The following MSN variants were observed in gnomAD, a reference collection of about 807,000 sequenced individuals.
MSN encodes the protein moesin.
In MSN, 2 loss-of-function variants were observed where a neutral mutation model predicts 48.0. The observed-to-expected ratio is 0.04, with a 90% CI of 0.02 to 0.13. The LOEUF (loss-of-function observed/expected upper bound fraction) is 0.13. Among genes scored for constraint, MSN ranks in the 10% least tolerant of loss-of-function variants. The pLI is 1.00. For missense variants in MSN, 267 were observed against 470.1 expected, an observed-to-expected ratio of 0.57 and a Z score of 3.99; for synonymous variants, 146 against 166.9, an observed-to-expected ratio of 0.87 and a Z score of 0.97.
At chrX:65,725,279 C>T (rs930288068) in intron 2 of MSN, among the ~76,000 whole-genome samples, 1 of 112,157 alleles carries the variant, frequency 8.9e-6, no homozygotes, top group African/African-American at 3.2e-5. Context: ...TTGGTGGGGA[C>T]AAACCACATC....
intron 1 of MSN, among the ~76,000 whole-genome samples, chrX:65,657,383 C>A (rs912461536): frequency 1.8e-5 from 2 of 110,035 alleles, no homozygotes; most frequent in African/African-American, 6.6e-5. Context: ...GCCATGAGCT[C>A]AGCAGGCTGT....
intron 1 of MSN, among the ~76,000 whole-genome samples, chrX:65,705,067 A>C (rs906986838): frequency 9.0e-6 from 1 of 110,732 alleles, no homozygotes; most frequent in Non-Finnish European, 1.9e-5. Context: ...CACCGCGCCC[A>C]GCCTCAAAAG....
chrX:65,668,203 A>T (rs2070893608), intron 1 of MSN, among the ~76,000 whole-genome samples: 1 of 112,715 alleles, frequency 8.9e-6, no homozygotes, highest in South Asian at 3.6e-4. Context: ...TCCAGAAGAC[A>T]ACACTTTCCC....
At chrX:65,690,978 T>C (rs1414194039) in intron 1 of MSN, among the ~76,000 whole-genome samples, 1 of 111,356 alleles carries the variant, frequency 9.0e-6, no homozygotes, top group Non-Finnish European at 1.9e-5. Context: ...TTGTTCCAAG[T>C]CCTTCCTAGG....
At position 65,650,688 on chromosome X, in the gene MSN, C is replaced by A. The variant is rs140714690; in HGVS notation, c.-22+62076C>A. 5.4e-3 allele frequency among the ~76,000 whole-genome samples: 610 copies of A among 112,483 alleles called. 9 individuals are homozygous for A. Among genetic ancestry groups the A allele is most frequent in the African/African-American group, 0.019 (581 of 31,007 alleles). ...TTCCTGCCCTCATCAAAATCATGAT[C>A]TAATGGGGGAGTGTAATAGTTTACC... On this transcript the variant is annotated intron_variant, in intron 1 of 3. Transcript: ENST00000609672.
intron 1 of MSN, among the ~76,000 whole-genome samples, chrX:65,615,491 C>T (rs931071855): frequency 2.7e-5 from 3 of 110,211 alleles, no homozygotes; most frequent in African/African-American, 1.0e-4. Flanking sequence ...TTTTTGGCTG[C>T]ATAAATGTCC....
chrX:65,665,024 A>G (rs2070856422), upstream of MSN, among the ~76,000 whole-genome samples: 1 of 110,372 alleles, frequency 9.1e-6, no homozygotes, highest in African/African-American at 3.3e-5. Flanking sequence ...TGCTGGGATT[A>G]CAGGTGTGAG....
chrX:65,633,298 G>C (rs1372976354), intron 1 of MSN, among the ~76,000 whole-genome samples: 1 of 111,619 alleles, frequency 9.0e-6, no homozygotes, highest in Non-Finnish European at 1.9e-5. Flanking sequence ...ATGCCCACTG[G>C]AAAGGAGGTG....
At chrX:65,659,791 C>T (rs774803302) in intron 1 of MSN, among the ~76,000 whole-genome samples, 34 of 111,273 alleles carry the variant, frequency 3.1e-4, no homozygotes, top group Non-Finnish European at 6.2e-4. Flanking sequence ...TCTTCATACC[C>T]CTTATGTTCC....
chrX:65,590,649 C>A (rs971250038), intron 1 of MSN, among the ~76,000 whole-genome samples: 1 of 111,596 alleles, frequency 9.0e-6, no homozygotes, highest in Non-Finnish European at 1.9e-5. Flanking sequence ...GGGATGCTGG[C>A]AGATGGGATT....
intron 1 of MSN, among the ~76,000 whole-genome samples, chrX:65,637,758 C>T (rs2070617016): frequency 9.1e-6 from 1 of 110,453 alleles, no homozygotes; most frequent in Non-Finnish European, 1.9e-5. Context: ...GACTCCTGGG[C>T]TCAAGCGATC....
At chrX:65,618,777 T>C (rs2070402336) in intron 1 of MSN, among the ~76,000 whole-genome samples, 1 of 111,030 alleles carries the variant, frequency 9.0e-6, no homozygotes, top group Non-Finnish European at 1.9e-5. Context: ...TTTTGCTCGT[T>C]AGTTGATGCA....
At chrX:65,675,748 G>A (rs750824022) in intron 1 of MSN, among the ~76,000 whole-genome samples, 3 of 110,526 alleles carry the variant, frequency 2.7e-5, no homozygotes, top group East Asian at 2.8e-4. Flanking sequence ...AGCGATTCTC[G>A]TTCCTCAGCC....
intron 1 of MSN, among the ~76,000 whole-genome samples, chrX:65,673,275 C>T (rs892274636): frequency 2.7e-5 from 3 of 111,353 alleles, no homozygotes; most frequent in Non-Finnish European, 5.6e-5. Flanking sequence ...TAGAATAGTC[C>T]TTTTTATTTC....
chrX:65,662,490 T>TA (rs2070831405), intron 1 of MSN, among the ~76,000 whole-genome samples: 1 of 111,975 alleles, frequency 8.9e-6, no homozygotes, highest in African/African-American at 3.2e-5. Flanking sequence ...GCCTCATACT[T>TA]ATAACCATCT....
At chrX:65,730,545 A>G (rs975111012) in intron 4 of MSN, among the ~76,000 whole-genome samples, 10 of 110,372 alleles carry the variant, frequency 9.1e-5, no homozygotes. Flanking sequence ...TACCTGAGTC[A>G]TTGCCATGAT....
At chrX:65,667,530 GCGCCGGGCCTGGCCA>G, upstream of MSN, 1 of 654,688 alleles carries the variant, frequency 1.5e-6, no homozygotes, top group Non-Finnish European at 1.9e-6. Context: ...TGGCCTGGCT[GCGCCGGGCCTGGCCA>G]GGCGGGGCTG....
intron 1 of MSN, among the ~76,000 whole-genome samples, chrX:65,597,953 G>A (rs1365875776): frequency 1.8e-5 from 2 of 111,491 alleles, no homozygotes; most frequent in African/African-American, 6.5e-5. Flanking sequence ...GTAGGAGCCC[G>A]CTGGGCCTGT....
intron 1 of MSN, among the ~76,000 whole-genome samples, chrX:65,610,202 T>G (rs1455830410): frequency 4.5e-5 from 5 of 111,995 alleles, no homozygotes; most frequent in Admixed American, 3.8e-4. Context: ...TATCTATTTC[T>G]GAAACGTTTT....
Sources: allele counts gnomAD v4.1 joint callset (sites outside exome capture counted in the v4.1 genomes callset), GRCh38; gene constraint gnomAD v4.1.1; transcripts MANE v1.5; gene names NCBI Gene and HGNC (gene_info 2026-07-23, HGNC 2026-07-21).